AGBL2: variants seen among roughly 807,000 people sequenced by gnomAD.
AGBL2 encodes the protein cytosolic carboxypeptidase 2.
AGBL2 carries 87 observed loss-of-function variants against 103.0 expected under a neutral mutation model. That is an observed-to-expected ratio of 0.84 (90% CI 0.71 to 1.01). The LOEUF (loss-of-function observed/expected upper bound fraction) is 1.01. Ranked by LOEUF, AGBL2 falls within the 50% of genes least tolerant of loss-of-function variation. The probability of loss-of-function intolerance (pLI) is 0.00; values close to 1 mark genes in which losing one functional copy is unlikely to be tolerated. For synonymous variants in AGBL2, 335 were observed against 356.7 expected (o/e 0.94, Z 0.69); for missense variants, 904 against 1,023.5 (o/e 0.88, Z 1.59).
rs1293175765 is a variant in AGBL2, at chr11:47,677,375, C to T, written c.2043G>A (p.Lys681=). Residue 681 remains lysine, a synonymous_variant, in exon 14 of 19, where the codon AAG becomes AAA. Transcript: ENST00000525123. The part of the protein sequence containing the change: ...MKFTQCLAEL[K]ELLRQEIHKK... ...TGTGGATTTCCTGTCGTAAAAGCTC[C>T]TTAAGCTCTGCTAGACACTGAGTGA... 1.2e-6 allele frequency: 2 copies of T among 1,609,366 alleles called. No individual in the cohort carries two copies. The highest frequency in any genetic ancestry group is 2.7e-5 in the African/African-American group (2 of 74,702).
rs180742763 is a variant in AGBL2 at position 47,666,251 on chromosome 11, G to A, written c.2448+705C>T. Among the ~76,000 whole-genome samples, 14 of 151,118 alleles carry A rather than the reference G, an allele frequency of 9.3e-5. No homozygotes were observed. In the East Asian group the frequency reaches 2.2e-3, roughly 23 times the overall value. ...TCTACTAAAAATACAAAAATTAGCC[G>A]AGCATGGTGGTGGGCACCTGTAATC... On this transcript the variant is annotated intron_variant, in intron 17 of 18. Coordinates refer to ENST00000525123, the MANE Select transcript of AGBL2 (RefSeq NM_024783.4).
chr11:47,672,808 T>C (rs2097361481), intron 14 of AGBL2, among the ~76,000 whole-genome samples: 1 of 152,128 alleles, frequency 6.6e-6, no homozygotes, highest in African/African-American at 2.4e-5. Flanking sequence ...GATGTCAATG[T>C]GCCATAGAGT....
intron 5 of AGBL2, 111 bp from the exon 6 acceptor site, chr11:47,705,745 C>T: frequency 1.1e-6 from 1 of 874,070 alleles, no homozygotes; most frequent in African/African-American, 1.7e-5. Context: ...CTTCAGTGCT[C>T]ATCAGGCATG....
intron 8 of AGBL2, among the ~76,000 whole-genome samples, chr11:47,698,452 G>A (rs1213912498): frequency 3.3e-5 from 5 of 152,182 alleles, no homozygotes; most frequent in Non-Finnish European, 1.5e-5. Flanking sequence ...GATTATAGGC[G>A]TGAGCCACAG....
intron 10 of AGBL2, among the ~76,000 whole-genome samples, chr11:47,687,807 C>CTTTTT (rs369461728): frequency 1.0e-3 from 142 of 138,542 alleles, no homozygotes; most frequent in Middle Eastern, 3.8e-3. Flanking sequence ...TTCTTTCTTT[C>CTTTTT]TTTTTTTTTT....
intron 12 of AGBL2, among the ~76,000 whole-genome samples, chr11:47,680,539 G>C (rs1046664023): frequency 6.6e-6 from 1 of 152,188 alleles, no homozygotes; most frequent in Non-Finnish European, 1.5e-5. Context: ...AGCACTTTGA[G>C]AGACCAAGGC....
intron 11 of AGBL2, among the ~76,000 whole-genome samples, chr11:47,685,535 C>T (rs944821073): frequency 4.6e-5 from 7 of 152,128 alleles, no homozygotes; most frequent in Non-Finnish European, 1.0e-4. Flanking sequence ...GATTCTCCTG[C>T]CTCAGCCTCC....
At position 47,667,447 on chromosome 11, in the gene AGBL2, A is replaced by C. The variant is rs533646847; in HGVS notation, c.2340+124T>G. The C allele has an allele frequency of 2.8e-5, 35 of 1,239,402 alleles. No homozygotes were observed. In the East Asian group the frequency reaches 7.9e-4, roughly 28 times the overall value. The allele number at this position is 1,239,402 out of a possible 1,614,324, so 76.8% of individuals were successfully genotyped here. A position where few individuals can be genotyped will look rare whatever the true frequency, so the allele number is the denominator to read the frequency against. On this transcript the variant is annotated intron_variant, in intron 16 of 18. Transcript: ENST00000525123. The stretch of plus-strand genomic sequence containing the variant: ...GAAGGGTTCTGATCGCAAAACAGAA[A>C]GTCTCCCTCTGCCCCAATCTCCATC...
In AGBL2 at chr11:47,677,373, T is replaced by A; in HGVS notation, c.2045A>T (p.Glu682Val). The change falls in exon 14 of 19, where the codon GAG (glutamate) becomes GTG (valine). Residue 682 changes from glutamate (E) to valine (V), a missense_variant. Physicochemically the swap from Glu to Val is moderately radical, Grantham distance 121. Transcript: ENST00000525123. Reference protein sequence around the residue: ...KFTQCLAELKELLRQEIHKKF... With the variant: ...KFTQCLAELKVLLRQEIHKKF... ...CTTGTGGATTTCCTGTCGTAAAAGC[T>A]CCTTAAGCTCTGCTAGACACTGAGT... is the stretch of plus-strand genomic sequence containing the variant. The A allele has an allele frequency of 6.2e-7, 1 of 1,609,426 alleles. No homozygotes were observed. The highest frequency in any genetic ancestry group is 8.5e-7 in the Non-Finnish European group (1 of 1,177,634).
Position 47,677,245 on chromosome 11 carries a change from A to C in AGBL2, c.2147+26T>G, listed in dbSNP as rs201414216. The C allele has an allele frequency of 1.5e-4, 227 of 1,565,108 alleles. No individual in the cohort carries two copies. The African/African-American group carries it at 2.5e-3, about 17-fold the overall frequency. ...TTAACAACAAAGTATTTAAAAAAAA[A>C]CAAAACTCTGTTTTTTCTTTGTTAC... On this transcript the variant is annotated intron_variant, in intron 14 of 18. Transcript: ENST00000525123.
intron 18 of AGBL2, 87 bp downstream of exon 18, chr11:47,662,939 C>G: frequency 8.8e-7 from 1 of 1,138,730 alleles, no homozygotes; most frequent in Non-Finnish European, 1.3e-6. Context: ...CTGTGCATCA[C>G]CGCCCTCCAA....
At chr11:47,701,935 T>C (rs1192851111) in intron 7 of AGBL2, among the ~76,000 whole-genome samples, 1 of 145,816 alleles carries the variant, frequency 6.9e-6, no homozygotes, top group African/African-American at 2.6e-5. Flanking sequence ...ATCATGCCAC[T>C]GCACTCCAGC....
Position 47,663,125 on chromosome 11 carries a change from A to G in AGBL2, c.2449-13T>C, listed in dbSNP as rs1367832164. On this transcript the variant is annotated splice_polypyrimidine_tract_variant and intron_variant, in intron 17 of 18. Transcript: ENST00000525123. Reference sequence around the variant, plus strand: ...TATTTAAATTTGTCTAAAATAAATGAACATATCCTCACTAAATTTTCCACT... The same window carrying G: ...TATTTAAATTTGTCTAAAATAAATGGACATATCCTCACTAAATTTTCCACT... 6.5e-7 allele frequency: 1 copy of G among 1,546,706 alleles called. No individual in the cohort carries two copies.
chr11:47,661,322 C>T (rs1194895770), intron 18 of AGBL2, among the ~76,000 whole-genome samples: 13 of 152,146 alleles, frequency 8.5e-5, no homozygotes. Flanking sequence ...AGCCTTCCAG[C>T]AATGAATGCT....
At chr11:47,667,336 A>T (rs1404933479) in intron 16 of AGBL2, among the ~76,000 whole-genome samples, 1 of 152,202 alleles carries the variant, frequency 6.6e-6, no homozygotes, top group Non-Finnish European at 1.5e-5. Flanking sequence ...AGACTTGGCT[A>T]AAACCCAGAT....
At chr11:47,688,661 C>T (rs1413801525) in intron 10 of AGBL2, among the ~76,000 whole-genome samples, 3 of 152,184 alleles carry the variant, frequency 2.0e-5, no homozygotes, top group African/African-American at 7.2e-5. Flanking sequence ...TTCCACTCTA[C>T]AGATGAGAAA....
intron 8 of AGBL2, among the ~76,000 whole-genome samples, chr11:47,698,167 A>ATTT (rs2097483706): frequency 1.5e-5 from 1 of 65,284 alleles, no homozygotes; most frequent in African/African-American, 7.6e-5. Flanking sequence ...CAGTCTACAT[A>ATTT]ATTTTTTTTT....
rs538487747 is a variant in AGBL2 at position 47,700,293 on chromosome 11, C to A, written c.587-740G>T. Among the ~76,000 whole-genome samples the A allele has an allele frequency of 4.3e-4, 66 of 152,154 alleles. 1 individual carries two copies. Among genetic ancestry groups the A allele is most frequent in the Admixed American group, 3.6e-3 (55 of 15,272 alleles). On this transcript the variant is annotated intron_variant, in intron 7 of 18. Transcript: ENST00000525123. ...ATTAACACTGAATTTAAAAAGATTT[C>A]TTTGGCTGGGTGCAGCGGCTTATGC...
intron 14 of AGBL2, among the ~76,000 whole-genome samples, chr11:47,671,621 C>T (rs2097357854): frequency 6.6e-6 from 1 of 152,144 alleles, no homozygotes; most frequent in South Asian, 2.1e-4. Flanking sequence ...CATTCAGCTG[C>T]CCAGGCCTTC....
Sources: gnomAD v4.1 joint callset for allele counts (sites outside exome capture counted in the v4.1 genomes callset) on GRCh38, gnomAD v4.1.1 for gene constraint, MANE v1.5 for transcripts, NCBI Gene and HGNC (gene_info 2026-07-23, HGNC 2026-07-21) for gene names.